The following HYDIN variants were observed in gnomAD, a reference collection of about 807,000 sequenced individuals.
HYDIN encodes axonemal central pair apparatus protein HYDIN.
In HYDIN, 132 loss-of-function variants were observed where a neutral mutation model predicts 403.9. The ratio of observed to expected loss-of-function variants is 0.33; its 90% CI spans 0.28 to 0.38. The LOEUF is 0.38. HYDIN is among the 10% of genes least tolerant of loss of function. The probability of loss-of-function intolerance (pLI) is 1.00; values close to 1 mark genes in which losing one functional copy is unlikely to be tolerated. For synonymous variants in HYDIN, 1,202 were observed against 1,891.7 expected (o/e 0.64, Z 9.46); for missense variants, 2,827 against 5,009.5 (o/e 0.56, Z 13.15).
At chr16:71,068,975 G>T (rs562757298) in intron 14 of HYDIN, among the ~76,000 whole-genome samples, 2 of 151,662 alleles carry the variant, frequency 1.3e-5, no homozygotes, top group Non-Finnish European at 2.9e-5. Context: ...TATTAGTACC[G>T]CTGGGAGTAC....
intron 12 of HYDIN, among the ~76,000 whole-genome samples, chr16:71,083,669 T>C (rs905387922): frequency 6.6e-6 from 1 of 151,854 alleles, no homozygotes. Context: ...GGTCCAAAAA[T>C]ATTAAATAAA....
At chr16:71,215,323 TTGTATAAAATGTATTTCA>T (rs2088823978) in intron 1 of HYDIN, among the ~76,000 whole-genome samples, 1 of 151,912 alleles carries the variant, frequency 6.6e-6, no homozygotes, top group Non-Finnish European at 1.5e-5. Flanking sequence ...CATGCCTTTC[TTGTATAAAATGTATTTCA>T]TGGTAGCAAA....
intron 38 of HYDIN, among the ~76,000 whole-genome samples, chr16:70,960,970 C>T (rs1318284860): frequency 1.5e-4 from 23 of 152,262 alleles, no homozygotes; most frequent in Non-Finnish European, 2.4e-4. Flanking sequence ...GAATTACAGG[C>T]GTGAGCCACC....
At chr16:71,176,269 C>T (rs2086668014) in intron 4 of HYDIN, among the ~76,000 whole-genome samples, 4 of 149,374 alleles carry the variant, frequency 2.7e-5, no homozygotes, top group South Asian at 4.3e-4. Flanking sequence ...CGGGCCACTG[C>T]ACTCCAGCCT....
chr16:71,102,812 T>C (rs2083497115), intron 10 of HYDIN, among the ~76,000 whole-genome samples: 1 of 145,294 alleles, frequency 6.9e-6, no homozygotes, highest in Non-Finnish European at 1.5e-5. Flanking sequence ...ACAAAATCTT[T>C]AGATCCTAGA....
chr16:70,861,970 G>A, intron 69 of HYDIN, 78 bp downstream of exon 69: 2 of 1,364,116 alleles, frequency 1.5e-6, no homozygotes, highest in Non-Finnish European at 1.9e-6. Flanking sequence ...GGTGGCAGTG[G>A]TTGGACAGAA....
intron 67 of HYDIN, among the ~76,000 whole-genome samples, chr16:70,863,758 C>T (rs1173065937): frequency 1.3e-5 from 2 of 151,672 alleles, no homozygotes; most frequent in Admixed American, 6.6e-5. Flanking sequence ...TGCCTGCAGT[C>T]CCAACTACTC....
chr16:70,865,201 C>T, intron 67 of HYDIN: 1 of 378,930 alleles, frequency 2.6e-6, no homozygotes. Context: ...TTGGCTACCC[C>T]CATTCTCACT....
intron 4 of HYDIN, among the ~76,000 whole-genome samples, chr16:71,177,225 A>T (rs2086705849): frequency 6.6e-6 from 1 of 152,226 alleles, no homozygotes; most frequent in South Asian, 2.1e-4. Flanking sequence ...ACAACCACTG[A>T]TGACCATTTC....
chr16:70,922,991 C>T (rs2077042036), intron 45 of HYDIN, among the ~76,000 whole-genome samples: 1 of 151,932 alleles, frequency 6.6e-6, no homozygotes, highest in Non-Finnish European at 1.5e-5. Flanking sequence ...TGGTCTTGAA[C>T]CCCTGAGTTC....
At chr16:70,954,807 G>A (rs1210308063) in intron 40 of HYDIN, among the ~76,000 whole-genome samples, 1 of 152,058 alleles carries the variant, frequency 6.6e-6, no homozygotes, top group Non-Finnish European at 1.5e-5. Flanking sequence ...TCTTTTCCTT[G>A]AACATAAAAC....
chr16:70,981,640 A>G (rs1244314432), intron 28 of HYDIN, 72 bp from the exon 29 acceptor site: 11 of 1,458,670 alleles, frequency 7.5e-6, no homozygotes, highest in Admixed American at 2.2e-5. Context: ...TAAATTACTT[A>G]AAACAACAAC....
intron 36 of HYDIN, among the ~76,000 whole-genome samples, chr16:70,967,136 G>C (rs55899247): frequency 0.24 from 37,140 of 152,058 alleles, 5,965 homozygotes; most frequent in Non-Finnish European, 0.35. Flanking sequence ...AAGGTTATTA[G>C]ACAAAGGTGT....
intron 29 of HYDIN, among the ~76,000 whole-genome samples, chr16:70,980,293 A>G (rs2144015682): frequency 6.6e-6 from 1 of 151,058 alleles, no homozygotes; most frequent in Admixed American, 6.6e-5. Flanking sequence ...ACTTGAGACC[A>G]GGAATGCAAG....
At chr16:71,081,371 C>T (rs950436557) in intron 12 of HYDIN, among the ~76,000 whole-genome samples, 4 of 150,490 alleles carry the variant, frequency 2.7e-5, no homozygotes, top group Admixed American at 1.3e-4. Context: ...CTCATGCTAA[C>T]GATCTGAAGT....
At chr16:70,878,061 G>A (rs1236174238) in intron 62 of HYDIN, among the ~76,000 whole-genome samples, 2 of 152,162 alleles carry the variant, frequency 1.3e-5, no homozygotes. Flanking sequence ...ATCTTGAATT[G>A]TAGCTCCCAT....
intron 1 of HYDIN, among the ~76,000 whole-genome samples, chr16:71,210,015 A>G (rs1598037765): frequency 6.6e-6 from 1 of 152,216 alleles, no homozygotes; most frequent in African/African-American, 2.4e-5. Flanking sequence ...TAATTAATAC[A>G]TTCTTCATGG....
rs74027637 is a variant in HYDIN, at chr16:71,192,043, C to T, written c.-23-5125G>A. On this transcript the variant is annotated intron_variant, in intron 1 of 85. Transcript: ENST00000393567. Reference sequence around the variant, plus strand: ...GCAACCCTAGATGAAGGTATTATTACCCTTCCCATATCACAGATAAGGAAA... The same window carrying T: ...GCAACCCTAGATGAAGGTATTATTATCCTTCCCATATCACAGATAAGGAAA... 9.3e-3 allele frequency among the ~76,000 whole-genome samples: 1,413 copies of T among 152,224 alleles called. 33 individuals carry two copies. Among genetic ancestry groups the T allele is most frequent in the African/African-American group, 0.033 (1,357 of 41,538 alleles).
Position 70,872,151 on chromosome 16 carries a change from C to A in HYDIN, c.10977G>T (p.Gly3659=), listed in dbSNP as rs1356411925. Residue 3659 remains glycine, a synonymous_variant, in exon 65 of 86, where the codon GGG becomes GGT. Transcript: ENST00000393567. The stretch of plus-strand genomic sequence containing the variant: ...TATAGCTGTGTCCAATGTGGCAGTC[C>A]CCAAATTGGATGTGGTCCACCAGAG... ...AAALVDHIQF[G]DCHIGHSYNA... 4.6e-6 allele frequency: 7 copies of A among 1,507,904 alleles called. No homozygotes were observed. Among genetic ancestry groups the A allele is most frequent in the Non-Finnish European group, 6.3e-6 (7 of 1,111,356 alleles). 93.4% of individuals were successfully genotyped at this position (1,507,904 alleles called of 1,614,324 possible).
Sources: allele counts gnomAD v4.1 joint callset (sites outside exome capture counted in the v4.1 genomes callset), GRCh38; gene constraint gnomAD v4.1.1; transcripts MANE v1.5; gene names NCBI Gene and HGNC (gene_info 2026-07-23, HGNC 2026-07-21).